Variants in GPC5 observed in about 807,000 individuals in gnomAD.
The protein encoded by GPC5 is glypican 5, also known as glypican-5.
A neutral mutation model predicts 53.9 loss-of-function variants in GPC5; 47 were observed. That is an observed-to-expected ratio of 0.87 (90% CI 0.69 to 1.11). GPC5 has a LOEUF of 1.11. GPC5 is among the 50% of genes most tolerant of loss of function. The probability of loss-of-function intolerance (pLI) is 0.00; values close to 1 mark genes in which losing one functional copy is unlikely to be tolerated. For missense variants in GPC5, 748 were observed against 713.1 expected (o/e 1.05, Z -0.56); for synonymous variants, 286 against 263.3 (o/e 1.09, Z -0.84).
chr13:91,619,835 G>A (rs1285591108), intron 2 of GPC5, among the ~76,000 whole-genome samples: 3 of 152,078 alleles, frequency 2.0e-5, no homozygotes, highest in South Asian at 2.1e-4. Context: ...ATTTAAATGT[G>A]TGCTTTAACA....
intron 7 of GPC5, among the ~76,000 whole-genome samples, chr13:92,283,236 A>G (rs1231292634): frequency 6.6e-6 from 1 of 152,208 alleles, no homozygotes; most frequent in Non-Finnish European, 1.5e-5. Flanking sequence ...AACCAGATTC[A>G]TAAAGCAAGT....
chr13:91,989,345 A>G (rs1213156339), intron 6 of GPC5, among the ~76,000 whole-genome samples: 2 of 152,246 alleles, frequency 1.3e-5, no homozygotes, highest in African/African-American at 4.8e-5. Flanking sequence ...CTAAACATGT[A>G]AGATGAATAT....
At chr13:92,005,734 C>T (rs2040600677) in intron 6 of GPC5, among the ~76,000 whole-genome samples, 2 of 152,112 alleles carry the variant, frequency 1.3e-5, no homozygotes, top group Admixed American at 1.3e-4. Context: ...CAGTTCCTAG[C>T]CTATAATTAG....
intron 2 of GPC5, among the ~76,000 whole-genome samples, chr13:91,689,477 T>A (rs1024559749): frequency 1.8e-3 from 272 of 150,904 alleles, no homozygotes; most frequent in African/African-American, 6.4e-3. Flanking sequence ...CAGTAGTTTA[T>A]AATAAATTTA....
At chr13:92,789,260 C>T (rs1308573365) in intron 7 of GPC5, among the ~76,000 whole-genome samples, 2 of 152,076 alleles carry the variant, frequency 1.3e-5, no homozygotes, top group Non-Finnish European at 2.9e-5. Context: ...GGTCAGTTGT[C>T]TTCATGTACA....
At chr13:92,216,512 T>C (rs928812925) in intron 7 of GPC5, among the ~76,000 whole-genome samples, 1 of 152,148 alleles carries the variant, frequency 6.6e-6, no homozygotes, top group Non-Finnish European at 1.5e-5. Flanking sequence ...TCTGGAAAGT[T>C]CAGTTCCTTG....
At chr13:92,316,983 A>G (rs1243575544) in intron 7 of GPC5, among the ~76,000 whole-genome samples, 4 of 152,200 alleles carry the variant, frequency 2.6e-5, no homozygotes, top group African/African-American at 4.8e-5. Context: ...CTCTGCATAG[A>G]ATCTTTCTTG....
At chr13:92,641,335 T>C (rs531255863) in intron 7 of GPC5, among the ~76,000 whole-genome samples, 56 of 152,022 alleles carry the variant, frequency 3.7e-4, no homozygotes, top group African/African-American at 1.3e-3. Context: ...TGAGAACACA[T>C]CAATCAAGCT....
At chr13:91,922,234 T>TA (rs1221304931) in intron 6 of GPC5, among the ~76,000 whole-genome samples, 1 of 152,196 alleles carries the variant, frequency 6.6e-6, no homozygotes, top group Non-Finnish European at 1.5e-5. Flanking sequence ...ATGTTGTCTT[T>TA]AAAAATATAA....
chr13:92,836,841 T>C (rs1438468110), intron 7 of GPC5, among the ~76,000 whole-genome samples: 2 of 152,072 alleles, frequency 1.3e-5, no homozygotes, highest in Non-Finnish European at 1.5e-5. Context: ...AAAACTACTG[T>C]TATTCCAAAT....
At chr13:91,873,052 A>G (rs1415022630) in intron 5 of GPC5, among the ~76,000 whole-genome samples, 2 of 152,230 alleles carry the variant, frequency 1.3e-5, no homozygotes, top group Admixed American at 6.5e-5. Flanking sequence ...TTTTTCTATC[A>G]GTAAATTATT....
At chr13:92,841,211 C>T (rs1211605311) in intron 7 of GPC5, among the ~76,000 whole-genome samples, 1 of 152,108 alleles carries the variant, frequency 6.6e-6, no homozygotes, top group East Asian at 1.9e-4. Context: ...TTTGCATCAT[C>T]ATTTGCGTTA....
intron 7 of GPC5, among the ~76,000 whole-genome samples, chr13:92,547,099 A>G (rs1337390252): frequency 6.6e-6 from 1 of 152,218 alleles, no homozygotes; most frequent in Non-Finnish European, 1.5e-5. Context: ...ATATCTTTGC[A>G]TTATGATTCT....
intron 7 of GPC5, among the ~76,000 whole-genome samples, chr13:92,863,921 A>G (rs1879262519): frequency 6.6e-6 from 1 of 152,190 alleles, no homozygotes; most frequent in South Asian, 2.1e-4. Flanking sequence ...GAATTTATTC[A>G]CACCTTTGTG....
At chr13:92,188,578 C>T (rs1196441714) in intron 7 of GPC5, among the ~76,000 whole-genome samples, 1 of 152,046 alleles carries the variant, frequency 6.6e-6, no homozygotes, top group Non-Finnish European at 1.5e-5. Flanking sequence ...ATAAAAATAC[C>T]TATGATGCTC....
At chr13:91,552,105 A>G (rs1027171269) in intron 2 of GPC5, among the ~76,000 whole-genome samples, 9 of 152,196 alleles carry the variant, frequency 5.9e-5, no homozygotes, top group Non-Finnish European at 8.8e-5. Flanking sequence ...TGTGAACATT[A>G]TGTACTGTAT....
At chr13:92,614,386 C>T (rs373640453) in intron 7 of GPC5, among the ~76,000 whole-genome samples, 12 of 152,146 alleles carry the variant, frequency 7.9e-5, no homozygotes, top group East Asian at 1.9e-4. Context: ...TTTAATACCC[C>T]GAAAAAGCCA....
intron 3 of GPC5, among the ~76,000 whole-genome samples, chr13:91,723,908 C>A (rs1365747254): frequency 6.6e-6 from 1 of 152,148 alleles, no homozygotes; most frequent in Non-Finnish European, 1.5e-5. Flanking sequence ...GCCCAACTTA[C>A]TACCTTCCTA....
At chr13:92,177,305 G>T (rs1264549530) in intron 7 of GPC5, among the ~76,000 whole-genome samples, 1 of 152,090 alleles carries the variant, frequency 6.6e-6, no homozygotes, top group East Asian at 1.9e-4. Flanking sequence ...CTGGGCTTCT[G>T]CATCTTCACT....
Sources: allele counts gnomAD v4.1 joint callset (sites outside exome capture counted in the v4.1 genomes callset), GRCh38; gene constraint gnomAD v4.1.1; transcripts MANE v1.5; gene names NCBI Gene and HGNC (gene_info 2026-07-23, HGNC 2026-07-21).